The following ZNF106 variants were observed in gnomAD, a reference collection of about 807,000 sequenced individuals.
ZNF106 encodes zinc finger protein 106.
ZNF106 carries 67 observed loss-of-function variants against 195.1 expected under a neutral mutation model. The ratio of observed to expected loss-of-function variants is 0.34; its 90% CI spans 0.28 to 0.42. The LOEUF (loss-of-function observed/expected upper bound fraction) is 0.42. Ranked by LOEUF, ZNF106 falls within the 10% of genes least tolerant of loss-of-function variation. The pLI is 1.00. For synonymous variants in ZNF106, 784 were observed against 818.6 expected (o/e 0.96, Z 0.72); for missense variants, 2,118 against 2,304.5 (o/e 0.92, Z 1.66).
At chr15:42,456,899 A>G (rs1340879180) in intron 4 of ZNF106, 59 bp downstream of exon 4, 5 of 1,478,658 alleles carry the variant, frequency 3.4e-6, no homozygotes, top group East Asian at 4.5e-5. Context: ...AAGATATAAA[A>G]TATATTCTCT....
At chr15:42,481,898 T>C (rs1337957916) in intron 1 of ZNF106, among the ~76,000 whole-genome samples, 1 of 152,140 alleles carries the variant, frequency 6.6e-6, no homozygotes, top group Admixed American at 6.5e-5. Context: ...TTGGGAAATT[T>C]TCAGCCATTA....
intron 4 of ZNF106, among the ~76,000 whole-genome samples, chr15:42,453,708 G>A (rs1417170413): frequency 6.6e-6 from 1 of 151,320 alleles, no homozygotes; most frequent in Non-Finnish European, 1.5e-5. Context: ...CGATTCTCCT[G>A]CCTCAGCCTC....
Position 42,459,487 on chromosome 15 carries a change from A to G in ZNF106, c.117-2329T>C, listed in dbSNP as rs540195317. ...TGAGACTCCGTCTCAAAAAGAAAAG[A>G]AAAAAAGAAAAAAGAATAATCCTCA... On this transcript the variant is annotated intron_variant, in intron 3 of 21. Transcript: ENST00000564754. 8.7e-4 allele frequency among the ~76,000 whole-genome samples: 132 copies of G among 152,218 alleles called. 1 individual carries two copies. Among genetic ancestry groups the G allele is most frequent in the Non-Finnish European group, 3.7e-4 (25 of 68,008 alleles).
Position 42,448,345 on chromosome 15 carries a change from A to G in ZNF106, c.2862T>C (p.Ala954=). 6.2e-7 allele frequency: 1 copy of G among 1,614,184 alleles called. No individual in the cohort carries two copies. Among genetic ancestry groups the G allele is most frequent in the Non-Finnish European group, 8.5e-7 (1 of 1,180,030 alleles). Residue 954 remains alanine (A), a synonymous_variant, in exon 6 of 22, where the codon GCT becomes GCC. Transcript: ENST00000564754. Reference sequence around the variant, plus strand: ...ATTGTGCACTATGTCGCCTTTGGGTAGCAACATTTTCAGCCCTTTCACCTG... The same window carrying G: ...ATTGTGCACTATGTCGCCTTTGGGTGGCAACATTTTCAGCCCTTTCACCTG... ...LRTGERAENV[A]TQRRHSAQLS...
At chr15:42,438,554 A>G in intron 12 of ZNF106, 58 bp downstream of exon 12, 1 of 1,470,270 alleles carries the variant, frequency 6.8e-7, no homozygotes, top group Non-Finnish European at 9.4e-7. Flanking sequence ...TCCTGGCTTT[A>G]ATATTTACAA....
chr15:42,451,207 G>T lies in ZNF106; in HGVS notation c.1065C>A (p.Ser355=), dbSNP rs753211894. 1 of 1,614,068 alleles carries T rather than the reference G, an allele frequency of 6.2e-7. No homozygotes were observed. ...CACTGCCATTCTTTCCACTAACTTT[G>T]GAAGTAGCAGTGTCTGCTTGTTTAG... ...QTTKQADTAT[S]KVSGKNGSAA... is the part of the protein sequence containing the mutation. The change falls in exon 5 of 22, where the codon TCC becomes TCA. Residue 355 remains serine, a synonymous_variant. Coordinates refer to ENST00000564754, the MANE Select transcript of ZNF106 (RefSeq NM_001366845.3).
intron 1 of ZNF106, among the ~76,000 whole-genome samples, chr15:42,481,461 G>A (rs1162210343): frequency 3.4e-5 from 5 of 149,174 alleles, no homozygotes; most frequent in South Asian, 2.1e-4. Flanking sequence ...GGGTTCAAGC[G>A]ATTCTCCCGC....
At chr15:42,473,676 CT>C (rs2056727352) in intron 1 of ZNF106, among the ~76,000 whole-genome samples, 1 of 152,164 alleles carries the variant, frequency 6.6e-6, no homozygotes, top group African/African-American at 2.4e-5. Flanking sequence ...CTCTATTCCC[CT>C]ATTAACCTGC....
chr15:42,435,305 CCA>C (rs2055231747), intron 14 of ZNF106, 77 bp downstream of exon 14: 2 of 1,577,218 alleles, frequency 1.3e-6, no homozygotes, highest in East Asian at 4.5e-5. Flanking sequence ...GAAGCGTCTG[CCA>C]CAGTGTCTCC....
intron 9 of ZNF106, among the ~76,000 whole-genome samples, chr15:42,442,845 G>A (rs1428879494): frequency 1.3e-5 from 2 of 151,536 alleles, no homozygotes; most frequent in Non-Finnish European, 2.9e-5. Flanking sequence ...GTGCAGTGGC[G>A]CAATCTCGGC....
chr15:42,446,809 C>T (rs1215623785), intron 6 of ZNF106, 151 bp from the exon 7 acceptor site: 2 of 672,870 alleles, frequency 3.0e-6, no homozygotes, highest in East Asian at 3.0e-5. Context: ...GCACGTGGTA[C>T]CAACGCAAAC....
chr15:42,424,718 G>T, intron 16 of ZNF106, 116 bp downstream of exon 16: 4 of 1,041,490 alleles, frequency 3.8e-6, no homozygotes, highest in Non-Finnish European at 5.5e-6. Context: ...GAGCTCAAGC[G>T]ATCCCCCTGC....
intron 1 of ZNF106, among the ~76,000 whole-genome samples, chr15:42,489,893 G>A (rs1189420406): frequency 1.3e-5 from 2 of 152,000 alleles, no homozygotes; most frequent in African/African-American, 2.4e-5. Context: ...AAAATTAGCC[G>A]GGCGTGGTGG....
At position 42,451,399 on chromosome 15, in the gene ZNF106, A is replaced by G; in HGVS notation, c.873T>C (p.Asn291=). 6.2e-7 allele frequency: 1 copy of G among 1,614,138 alleles called. No individual in the cohort carries two copies. Among genetic ancestry groups the G allele is most frequent in the Middle Eastern group, 1.6e-4 (1 of 6,062 alleles). ...DMTMLWNKKS[N]KSNKYSHDRY... is the part of the protein sequence containing the mutation. ...TGTCGTGACTGTATTTGTTTGACTT[A>G]TTAGATTTCTTGTTCCATAGCATAG... The change falls in exon 5 of 22, where the codon AAT becomes AAC. Residue 291 remains asparagine (N), a synonymous_variant. Transcript: ENST00000564754.
chr15:42,486,342 T>C (rs1247360924), intron 1 of ZNF106, among the ~76,000 whole-genome samples: 3 of 151,552 alleles, frequency 2.0e-5, no homozygotes, highest in African/African-American at 4.9e-5. Flanking sequence ...TCACTGCAGC[T>C]TTGAACTCCT....
intron 14 of ZNF106, among the ~76,000 whole-genome samples, chr15:42,434,756 A>G (rs2055208256): frequency 6.7e-6 from 1 of 150,150 alleles, no homozygotes; most frequent in Non-Finnish European, 1.5e-5. Flanking sequence ...TAAAAAGTTT[A>G]TACATTTTGC....
rs2055841965 is a variant in ZNF106, at chr15:42,448,209, C to T, written c.2998G>A (p.Gly1000Arg). The T allele has an allele frequency of 7.4e-6, 12 of 1,614,004 alleles. No homozygotes were observed. Among genetic ancestry groups the T allele is most frequent in the Non-Finnish European group, 1.0e-5 (12 of 1,180,032 alleles). The change falls in exon 6 of 22, where the codon GGA (glycine) becomes AGA (arginine). Residue 1000 changes from glycine to arginine, a missense_variant. Coordinates refer to ENST00000564754, the MANE Select transcript of ZNF106 (RefSeq NM_001366845.3). ...NQNSQESNGE[G>R]NCLSSSASSA... ...GATGCGCTTGATGACAGACAGTTTC[C>T]CTCTCCATTACTCTCCTGGGAATTC...
At chr15:42,449,639 T>C in intron 5 of ZNF106, 132 bp downstream of exon 5, 3 of 1,250,314 alleles carry the variant, frequency 2.4e-6, no homozygotes, top group African/African-American at 1.5e-5. Flanking sequence ...TGATATTAAA[T>C]CAAGACATCT....
At chr15:42,433,515 C>G (rs2055144602) in intron 14 of ZNF106, among the ~76,000 whole-genome samples, 1 of 144,264 alleles carries the variant, frequency 6.9e-6, no homozygotes, top group Admixed American at 7.0e-5. Flanking sequence ...CAGAGTCTTG[C>G]TCTGTCGCCC....
Sources: allele counts gnomAD v4.1 joint callset (sites outside exome capture counted in the v4.1 genomes callset), GRCh38; gene constraint gnomAD v4.1.1; transcripts MANE v1.5; gene names NCBI Gene and HGNC (gene_info 2026-07-23, HGNC 2026-07-21).